Variants in KIF3A observed in about 807,000 individuals in gnomAD.
The protein encoded by KIF3A is kinesin family member 3A.
KIF3A carries 27 observed loss-of-function variants against 92.6 expected under a neutral mutation model. That is an observed-to-expected ratio of 0.29 (90% CI 0.21 to 0.40). The LOEUF is 0.40. KIF3A is among the 10% of genes least tolerant of loss of function. KIF3A has a pLI of 1.00. For missense variants in KIF3A, 581 were observed against 872.6 expected, an observed-to-expected ratio of 0.67 and a Z score of 4.21; for synonymous variants, 250 against 275.4, an observed-to-expected ratio of 0.91 and a Z score of 0.92.
rs1353212830 is a variant in KIF3A, at chr5:132,703,068, G to A, written c.1467-3C>T. 6.9e-6 allele frequency: 11 copies of A among 1,600,480 alleles called. No individual in the cohort carries two copies. In the Admixed American group the frequency reaches 1.4e-4, roughly 20 times the overall value. ...CCAGCAAAGACTGATGCTCTTGTCT[G>A]TTGATTAGAATGAGAATACTCTATA... On this transcript the variant is annotated splice_polypyrimidine_tract_variant and splice_region_variant and intron_variant, in intron 12 of 18. Transcript: ENST00000403231.
chr5:132,721,754 T>A (rs1189879433), intron 4 of KIF3A, among the ~76,000 whole-genome samples: 1 of 150,130 alleles, frequency 6.7e-6, no homozygotes, highest in African/African-American at 2.4e-5. Context: ...TATAAGCCAG[T>A]GGATTTCAGA....
chr5:132,717,161 T>C (rs1437770902), intron 5 of KIF3A, among the ~76,000 whole-genome samples, 177 bp from the exon 6 acceptor site: 5 of 152,186 alleles, frequency 3.3e-5, no homozygotes, highest in African/African-American at 1.2e-4. Flanking sequence ...CTCTTATACT[T>C]TGTTGATAAC....
chr5:132,720,485 T>A (rs1753788594), intron 5 of KIF3A, 124 bp downstream of exon 5: 1 of 584,170 alleles, frequency 1.7e-6, no homozygotes, highest in South Asian at 2.5e-5. Context: ...ATAATCAAAG[T>A]GGAATGGTTT....
chr5:132,716,680 A>G (rs1266691673), intron 6 of KIF3A, among the ~76,000 whole-genome samples, 165 bp downstream of exon 6: 4 of 152,190 alleles, frequency 2.6e-5, no homozygotes, highest in Non-Finnish European at 5.9e-5. Flanking sequence ...TATTCTATCT[A>G]CTTTCATATA....
downstream of KIF3A, among the ~76,000 whole-genome samples, chr5:132,691,636 C>G (rs540193496): frequency 1.3e-5 from 2 of 151,974 alleles, no homozygotes; most frequent in South Asian, 4.2e-4. Flanking sequence ...GGCACAGTAG[C>G]TCAGGCCTGT....
rs904094755 is a variant in KIF3A at position 132,716,450 on chromosome 5, TAAAC to T, written c.757-12_757-9del. ...TGCCTGTCTTTCTGAACCCTAGCAATAAACAGAGATGAAAGTAAAGCTAAAATTT... is the reference window on the plus strand; with the variant it reads ...TGCCTGTCTTTCTGAACCCTAGCAATAGAGATGAAAGTAAAGCTAAAATTT... On this transcript the variant is annotated splice_polypyrimidine_tract_variant and intron_variant, in intron 6 of 18. Transcript: ENST00000403231. The T allele has an allele frequency of 2.6e-5, 41 of 1,602,632 alleles. No individual in the cohort carries two copies. Among genetic ancestry groups the T allele is most frequent in the Non-Finnish European group, 3.2e-5 (38 of 1,175,028 alleles).
intron 9 of KIF3A, 79 bp from the exon 10 acceptor site, chr5:132,709,057 T>A: frequency 2.6e-6 from 3 of 1,147,886 alleles, no homozygotes; most frequent in Admixed American, 4.7e-5. Context: ...AGAGAAAAAT[T>A]CAGTTTTCAG....
intron 2 of KIF3A, among the ~76,000 whole-genome samples, chr5:132,733,862 A>T (rs1754311607): frequency 6.6e-6 from 1 of 152,240 alleles, no homozygotes; most frequent in Non-Finnish European, 1.5e-5. Flanking sequence ...CACAATCCCT[A>T]TGAAAATCCT....
intron 7 of KIF3A, 59 bp from the exon 8 acceptor site, chr5:132,715,990 C>T: frequency 8.2e-7 from 1 of 1,213,846 alleles, no homozygotes; most frequent in Non-Finnish European, 1.2e-6. Flanking sequence ...AAAATTAATA[C>T]TACCATTACA....
intron 5 of KIF3A, among the ~76,000 whole-genome samples, 173 bp from the exon 6 acceptor site, chr5:132,717,157 T>C (rs916019136): frequency 1.3e-5 from 2 of 152,228 alleles, no homozygotes; most frequent in Admixed American, 6.5e-5. Context: ...ATTTCTCTTA[T>C]ACTTTGTTGA....
chr5:132,730,420 T>C (rs1754187163), intron 2 of KIF3A, among the ~76,000 whole-genome samples: 2 of 148,276 alleles, frequency 1.3e-5, no homozygotes, highest in Admixed American at 1.4e-4. Context: ...TGAGCCGAGA[T>C]CGCGCCACTG....
intron 4 of KIF3A, among the ~76,000 whole-genome samples, chr5:132,724,803 AAAAATATATATATATATATAT>A (rs1433276310): frequency 3.7e-5 from 1 of 26,682 alleles, no homozygotes; most frequent in African/African-American, 1.4e-4. Context: ...AAAAAAAAAA[AAAAATATATATATATATATAT>A]ATATATATAT....
At chr5:132,699,584 A>T (rs1376436876) in intron 17 of KIF3A, 2 of 447,652 alleles carry the variant, frequency 4.5e-6, no homozygotes, top group Admixed American at 2.7e-5. Flanking sequence ...TTTGAGACGG[A>T]GTCTCACTCT....
rs1359780344 is a variant in KIF3A, at chr5:132,716,777, T to A, written c.756+68A>T. ...TAAATCATACCTTTTCACTTTAATTTTCATTCATTTATAAAATAAATGGAT... is the reference window on the plus strand; with the variant it reads ...TAAATCATACCTTTTCACTTTAATTATCATTCATTTATAAAATAAATGGAT... On this transcript the variant is annotated intron_variant, in intron 6 of 18. Coordinates refer to ENST00000403231, the MANE Select transcript of KIF3A (RefSeq NM_001300791.2). 25 of 1,513,442 alleles carry A rather than the reference T, an allele frequency of 1.7e-5. 1 individual carries two copies. The highest frequency in any genetic ancestry group is 2.3e-5 in the Non-Finnish European group (25 of 1,104,306). The allele number at this position is 1,513,442 out of a possible 1,614,324, so 93.8% of individuals were successfully genotyped here.
chr5:132,693,786 GC>G lies in KIF3A; in HGVS notation c.*2847del, dbSNP rs1186797387. The G allele has an allele frequency of 6.6e-6, 1 of 151,206 alleles. No individual in the cohort carries two copies. Among genetic ancestry groups the G allele is most frequent in the Non-Finnish European group, 1.5e-5 (1 of 67,814 alleles). The allele number at this position is 151,206 out of a possible 1,614,324, so 9.4% of individuals were successfully genotyped here. A position where few individuals can be genotyped will look rare whatever the true frequency, so the allele number is the denominator to read the frequency against. On this transcript the variant is annotated 3_prime_UTR_variant, in exon 19 of 19. Coordinates refer to ENST00000403231, the MANE Select transcript of KIF3A (RefSeq NM_001300791.2). ...CACAAAGTCAGGTGAGACCAGCCTGGCCAACATGGTGAAACCCGGTCTCTAC... is the reference window on the plus strand; with the variant it reads ...CACAAAGTCAGGTGAGACCAGCCTGGCAACATGGTGAAACCCGGTCTCTAC...
intron 14 of KIF3A, 51 bp downstream of exon 14, chr5:132,702,507 C>T (rs3213639): frequency 0.68 from 712,476 of 1,049,812 alleles, 253,710 homozygotes; most frequent in Non-Finnish European, 0.75. Context: ...AAAGAACTCC[C>T]TTTTAAAAAA....
chr5:132,736,935 A>G (rs1226521528), intron 1 of KIF3A: 1 of 328,540 alleles, frequency 3.0e-6, no homozygotes, highest in Non-Finnish European at 6.0e-6. Context: ...CTAAAGCGCC[A>G]CAAGAGCAAT....
intron 9 of KIF3A, among the ~76,000 whole-genome samples, chr5:132,709,829 T>C (rs1753352888): frequency 6.6e-6 from 1 of 152,196 alleles, no homozygotes; most frequent in Non-Finnish European, 1.5e-5. Flanking sequence ...CAAAAACAGG[T>C]GGTGAGCTGG....
In KIF3A at chr5:132,709,187, T is replaced by A. The variant is rs181268583; in HGVS notation, c.1229-209A>T. ...ACTTTACAAAGCCATACAGAGGAAT[T>A]AGAAAGTGTACTGCTTTAAGCAACT... On this transcript the variant is annotated intron_variant, in intron 9 of 18. Coordinates refer to ENST00000403231, the MANE Select transcript of KIF3A (RefSeq NM_001300791.2). Among the ~76,000 whole-genome samples, 980 of 152,288 alleles carry A rather than the reference T, an allele frequency of 6.4e-3. 19 individuals carry two copies. Among genetic ancestry groups the A allele is most frequent in the Non-Finnish European group, 0.01 (696 of 68,008 alleles).
Sources: allele counts gnomAD v4.1 joint callset (sites outside exome capture counted in the v4.1 genomes callset), GRCh38; gene constraint gnomAD v4.1.1; transcripts MANE v1.5; gene names NCBI Gene and HGNC (gene_info 2026-07-23, HGNC 2026-07-21).